Variants in ACSBG2 observed in about 807,000 individuals in gnomAD.
ACSBG2 encodes acyl-CoA synthetase bubblegum family member 2.
ACSBG2 carries 62 observed loss-of-function variants against 74.7 expected under a neutral mutation model. The observed-to-expected ratio is 0.83, with a 90% CI of 0.68 to 1.03. ACSBG2 has a LOEUF of 1.03. Ranked by LOEUF, ACSBG2 falls within the 50% of genes least tolerant of loss-of-function variation. The probability of loss-of-function intolerance (pLI) is 0.00; values close to 1 mark genes in which losing one functional copy is unlikely to be tolerated. For synonymous variants in ACSBG2, 309 were observed against 294.1 expected, an observed-to-expected ratio of 1.05 and a Z score of -0.52; for missense variants, 730 against 817.6, an observed-to-expected ratio of 0.89 and a Z score of 1.31.
chr19:6,165,696 C>T (rs1361806913), intron 6 of ACSBG2, among the ~76,000 whole-genome samples, 170 bp from the exon 7 acceptor site: 2 of 152,206 alleles, frequency 1.3e-5, no homozygotes, highest in Non-Finnish European at 2.9e-5. Flanking sequence ...AGTGGCAGAA[C>T]TGGAAGCAGA....
intron 7 of ACSBG2, chr19:6,176,197 C>T (rs1033188328): frequency 4.5e-5 from 40 of 895,044 alleles, no homozygotes; most frequent in Non-Finnish European, 5.5e-5. Context: ...AAAAATCTGT[C>T]GAATGATTAA....
At chr19:6,155,990 G>A (rs1380285323) in intron 4 of ACSBG2, among the ~76,000 whole-genome samples, 1 of 150,726 alleles carries the variant, frequency 6.6e-6, no homozygotes, top group African/African-American at 2.4e-5. Context: ...GTAGCCAAAA[G>A]GCACATGTAA....
In ACSBG2 at chr19:6,147,512, C is replaced by G; in HGVS notation, c.134C>G (p.Pro45Arg). The change falls in exon 3 of 15, where the codon CCA becomes CGA. Residue 45 changes from proline to arginine, a missense_variant. Pro to Arg is a moderately radical substitution (Grantham distance 103, BLOSUM62 -2). Coordinates refer to ENST00000588485, the MANE Select transcript of ACSBG2 (RefSeq NM_030924.5). ...CTTCTGAGGCTATCCAAACACGGAC[C>G]AGGCCATGAGACCCCGATGACCATC... ...EVLLRLSKHG[P>R]GHETPMTIPE... 6.2e-7 allele frequency: 1 copy of G among 1,614,184 alleles called. No homozygotes were observed. Among genetic ancestry groups the G allele is most frequent in the South Asian group, 1.1e-5 (1 of 91,084 alleles).
chr19:6,171,091 C>A (rs933415544), intron 7 of ACSBG2, among the ~76,000 whole-genome samples: 4 of 151,848 alleles, frequency 2.6e-5, no homozygotes, highest in Non-Finnish European at 5.9e-5. Flanking sequence ...CATCCCTTTA[C>A]TTTGAGCCTC....
At chr19:6,167,999 C>T (rs866551612) in intron 7 of ACSBG2, among the ~76,000 whole-genome samples, 51 of 144,368 alleles carry the variant, frequency 3.5e-4, no homozygotes, top group African/African-American at 1.3e-3. Flanking sequence ...AGTCTATCCT[C>T]TCTACAGCCA....
intron 12 of ACSBG2, 51 bp from the exon 13 acceptor site, chr19:6,187,548 G>C: frequency 6.2e-7 from 1 of 1,610,064 alleles, no homozygotes; most frequent in Non-Finnish European, 8.5e-7. Context: ...TGGGCCTGGG[G>C]AGGGGTGCTG....
chr19:6,160,062 C>T (rs1055443756), intron 5 of ACSBG2, among the ~76,000 whole-genome samples: 6 of 152,054 alleles, frequency 3.9e-5, no homozygotes, highest in Admixed American at 3.9e-4. Context: ...ATAGAGAGAC[C>T]CCATCCCGCT....
chr19:6,184,684 A>G (rs762462412), intron 10 of ACSBG2, among the ~76,000 whole-genome samples: 5 of 151,372 alleles, frequency 3.3e-5, no homozygotes, highest in Non-Finnish European at 5.9e-5. Context: ...AGTAACTTTT[A>G]CCTCTAAAGA....
intron 4 of ACSBG2, among the ~76,000 whole-genome samples, chr19:6,153,174 A>AC (rs1225011466): frequency 6.6e-6 from 1 of 152,190 alleles, no homozygotes; most frequent in African/African-American, 2.4e-5. Flanking sequence ...TGAACCCAGG[A>AC]GGCCGAGCCT....
rs1411894378 is a variant in ACSBG2 at position 6,165,947 on chromosome 19, T to C, written c.670T>C (p.Cys224Arg). Residue 224 changes from cysteine (C) to arginine (R), a missense_variant, in exon 7 of 15, where the codon TGC becomes CGC. By Grantham distance (180) the Cys-to-Arg change is radical (BLOSUM62 -3). Transcript: ENST00000588485. Reference protein sequence around the residue: ...QVIESQKANQCAVLIYTSGTT... With the variant: ...QVIESQKANQRAVLIYTSGTT... Reference sequence around the variant, plus strand: ...CATCGAGAGCCAGAAGGCGAATCAATGCGCAGTGCTCATCTACACTTCAGG... The same window carrying C: ...CATCGAGAGCCAGAAGGCGAATCAACGCGCAGTGCTCATCTACACTTCAGG... The C allele has an allele frequency of 1.9e-6, 3 of 1,613,708 alleles. No homozygotes were observed. Among genetic ancestry groups the C allele is most frequent in the Non-Finnish European group, 2.5e-6 (3 of 1,179,954 alleles).
rs563875537 is a variant in ACSBG2 at position 6,156,625 on chromosome 19, T to C, written c.507+74T>C. 2.8e-6 allele frequency: 4 copies of C among 1,417,268 alleles called. No homozygotes were observed. In the South Asian group the frequency reaches 5.1e-5, roughly 18 times the overall value. 87.8% of individuals were successfully genotyped at this position (1,417,268 alleles called of 1,614,324 possible). A position where few individuals can be genotyped will look rare whatever the true frequency, so the allele number is the denominator to read the frequency against. On this transcript the variant is annotated intron_variant, in intron 5 of 14. Coordinates refer to ENST00000588485, the MANE Select transcript of ACSBG2 (RefSeq NM_030924.5). Reference sequence around the variant, plus strand: ...AGGGCTCTGGGCAGGTGTTCTTTTTTTCCCAGGTAAATTCTAATGATAAGA... The same window carrying C: ...AGGGCTCTGGGCAGGTGTTCTTTTTCTCCCAGGTAAATTCTAATGATAAGA...
intron 11 of ACSBG2, among the ~76,000 whole-genome samples, chr19:6,186,370 A>G (rs2090409037): frequency 1.3e-5 from 2 of 152,242 alleles, no homozygotes; most frequent in African/African-American, 4.8e-5. Flanking sequence ...TATGTGTCAA[A>G]AAAAATTCTT....
chr19:6,135,717 CCCA>C lies in ACSBG2; in HGVS notation c.-214_-212del. 1 of 152,420 alleles carries C rather than the reference CCCA, an allele frequency of 6.6e-6. No individual in the cohort carries two copies. The highest frequency in any genetic ancestry group is 1.5e-5 in the Non-Finnish European group (1 of 68,148). The allele number at this position is 152,420 out of a possible 1,614,324, so 9.4% of individuals were successfully genotyped here. On this transcript the variant is annotated 5_prime_UTR_variant, in exon 1 of 15. Transcript: ENST00000588485. ...AGGGAAACCACCCATCCTCCTGCCT[CCCA>C]CCACCACCATCATCCTGGCTGGACG...
chr19:6,139,916 T>C (rs979667425), intron 1 of ACSBG2, among the ~76,000 whole-genome samples: 1 of 151,888 alleles, frequency 6.6e-6, no homozygotes, highest in African/African-American at 2.4e-5. Context: ...CTGTCTCTAC[T>C]AAAAATACAA....
chr19:6,140,405 C>T (rs764899767), intron 1 of ACSBG2, among the ~76,000 whole-genome samples: 40 of 151,920 alleles, frequency 2.6e-4, no homozygotes, highest in Admixed American at 7.2e-4. Flanking sequence ...CTCGGCCAGG[C>T]GCAATGGCTT....
intron 1 of ACSBG2, among the ~76,000 whole-genome samples, chr19:6,140,580 T>C (rs1192391742): frequency 6.6e-6 from 1 of 152,054 alleles, no homozygotes; most frequent in Non-Finnish European, 1.5e-5. Flanking sequence ...CTCCGGAGGC[T>C]GAGGCACGAG....
intron 8 of ACSBG2, among the ~76,000 whole-genome samples, chr19:6,181,788 T>C (rs1031259329): frequency 2.4e-4 from 36 of 150,798 alleles, no homozygotes; most frequent in African/African-American, 8.1e-4. Context: ...TTTTATTTTG[T>C]TTTGCATTTG....
At chr19:6,181,242 G>GAAAAAAA (rs1568249979) in intron 8 of ACSBG2, among the ~76,000 whole-genome samples, 1 of 115,854 alleles carries the variant, frequency 8.6e-6, no homozygotes, top group African/African-American at 3.5e-5. Context: ...AAAAAAAAAG[G>GAAAAAAA]AAAGGAAAGG....
chr19:6,161,101 A>G (rs2089595028), intron 5 of ACSBG2, 114 bp from the exon 6 acceptor site: 1 of 720,762 alleles, frequency 1.4e-6, no homozygotes, highest in East Asian at 3.2e-5. Flanking sequence ...CTGTGTCTCA[A>G]AAAAAAAAAA....
Sources: allele counts gnomAD v4.1 joint callset (sites outside exome capture counted in the v4.1 genomes callset), GRCh38; gene constraint gnomAD v4.1.1; transcripts MANE v1.5; gene names NCBI Gene and HGNC (gene_info 2026-07-23, HGNC 2026-07-21).